The following PCDHA6 variants were observed in gnomAD, a reference collection of about 807,000 sequenced individuals.
PCDHA6 encodes protocadherin alpha 6, also known as protocadherin alpha-6.
In PCDHA6, 55 loss-of-function variants were observed where a neutral mutation model predicts 60.3. The observed-to-expected ratio is 0.91, with a 90% confidence interval of 0.73 to 1.14. The LOEUF (loss-of-function observed/expected upper bound fraction) is 1.14, where lower values mean the gene tolerates loss of function less well. Ranked by LOEUF, PCDHA6 falls within the 50% of genes most tolerant of loss-of-function variation. PCDHA6 has a pLI of 0.00. For missense variants in PCDHA6, 1,327 were observed against 1,256.5 expected, an observed-to-expected ratio of 1.06 and a Z score of -0.85; for synonymous variants, 652 against 557.9, an observed-to-expected ratio of 1.17 and a Z score of -2.38.
chr5:140,835,535 G>A, intron 1 of PCDHA6: 3 of 1,613,958 alleles, frequency 1.9e-6, no homozygotes, highest in Non-Finnish European at 2.5e-6. Flanking sequence ...TCAACGGACA[G>A]GTTACCTGCT....
Position 140,856,078 on chromosome 5 carries a change from C to T in PCDHA6, c.2394+25593C>T, listed in dbSNP as rs145849392. On this transcript the variant is annotated intron_variant, in intron 1 of 3. Transcript: ENST00000529310. The stretch of plus-strand genomic sequence containing the variant: ...TTTCCAGATGTAGCTGCCTGGGGGT[C>T]CAGTGTCTGCTGCTCTCGCTTCTTC... 1.4e-3 allele frequency: 2,214 copies of T among 1,594,016 alleles called. 201 individuals are homozygous for T. The highest frequency in any genetic ancestry group is 4.0e-3 in the Admixed American group (234 of 58,882).
At chr5:140,852,705 T>C in intron 1 of PCDHA6, 1 of 979,478 alleles carries the variant, frequency 1.0e-6, no homozygotes, top group Non-Finnish European at 1.2e-6. Context: ...TTCAAGTATC[T>C]TTGTCTTTGC....
intron 1 of PCDHA6, among the ~76,000 whole-genome samples, chr5:140,878,476 A>T (rs1037108551): frequency 3.2e-4 from 49 of 152,322 alleles, no homozygotes; most frequent in African/African-American, 1.1e-3. Flanking sequence ...TCATTTCTCA[A>T]TTTAAAAATA....
In PCDHA6 at chr5:140,829,972, C is replaced by G. The variant is rs2150178904; in HGVS notation, c.1881C>G (p.Tyr627Ter). 5 of 1,614,006 alleles carry G rather than the reference C, an allele frequency of 3.1e-6. No homozygotes were observed. The highest frequency in any genetic ancestry group is 4.2e-6 in the Non-Finnish European group (5 of 1,179,924). The change falls in exon 1 of 4, where the codon TAC becomes TAG. Residue 627 changes from tyrosine (Y) to a stop codon, truncating the protein, a stop_gained. Transcript: ENST00000529310. LOFTEE classifies it high-confidence loss of function. ...GCTTCCCGTTTCGCGTGGGGCTGTA[C>G]ACGGGCGAGATCAGCACCACTCGTG... ...SARFPFRVGLYTGEISTTRVL... is the reference protein window; with the variant it reads ...SARFPFRVGL
chr5:140,966,926 C>T (rs782811757), intron 1 of PCDHA6: 22 of 1,603,344 alleles, frequency 1.4e-5, no homozygotes, highest in Middle Eastern at 1.6e-4. Context: ...GGAGCAGGCA[C>T]CCGGCGCGCT....
chr5:140,882,129 T>G lies in PCDHA6; in HGVS notation c.2394+51644T>G. 10 of 1,473,110 alleles carry G rather than the reference T, an allele frequency of 6.8e-6. No homozygotes were observed. The South Asian group carries it at 9.9e-5, about 15-fold the overall frequency. The allele number at this position is 1,473,110 out of a possible 1,614,324, so 91.3% of individuals were successfully genotyped here. On this transcript the variant is annotated intron_variant, in intron 1 of 3. Transcript: ENST00000529310. ...AAGAAAGCCGCCGTTTCTTTCTTCC[T>G]GCAGAAAATATAGCAGAAAGCGGAA...
chr5:140,991,227 A>G (rs1172819040), intron 3 of PCDHA6, among the ~76,000 whole-genome samples: 2 of 152,224 alleles, frequency 1.3e-5, no homozygotes, highest in African/African-American at 4.8e-5. Flanking sequence ...TCATTAATAA[A>G]TGCAGTGGTA....
chr5:140,987,730 C>CAA (rs2097266231), intron 3 of PCDHA6, among the ~76,000 whole-genome samples: 1 of 152,066 alleles, frequency 6.6e-6, no homozygotes, highest in African/African-American at 2.4e-5. Flanking sequence ...CCTACAGCTT[C>CAA]AAAATTTAGA....
In PCDHA6 at chr5:140,877,117, G is replaced by A. The variant is rs781979355; in HGVS notation, c.2394+46632G>A. The A allele has an allele frequency of 9.3e-6, 15 of 1,613,720 alleles. No homozygotes were observed. The East Asian group carries it at 1.8e-4, about 19-fold the overall frequency. ...CGGCGTGCCGCCTCTGGGCAGCAAC[G>A]TGACGCTGCAGGTGTTCGTGCTGGA... On this transcript the variant is annotated intron_variant, in intron 1 of 3. Coordinates refer to ENST00000529310, the MANE Select transcript of PCDHA6 (RefSeq NM_018909.4).
Position 140,967,485 on chromosome 5 carries a change from C to T in PCDHA6, c.2395-11464C>T, listed in dbSNP as rs781948599. 7 of 1,613,056 alleles carry T rather than the reference C, an allele frequency of 4.3e-6. No individual in the cohort carries two copies. The South Asian group carries it at 5.5e-5, about 13-fold the overall frequency. On this transcript the variant is annotated intron_variant, in intron 1 of 3. Coordinates refer to ENST00000529310, the MANE Select transcript of PCDHA6 (RefSeq NM_018909.4). ...GGGGGCATCCCAGCCCGCTCGGGTA[C>T]GGCACAGATCTCTGTGCGTGTCCTG...
chr5:140,932,261 T>C (rs1554208805), intron 1 of PCDHA6, among the ~76,000 whole-genome samples: 1 of 151,922 alleles, frequency 6.6e-6, no homozygotes, highest in East Asian at 1.9e-4. Context: ...CTCTGAGATA[T>C]AAATTTCTAC....
intron 1 of PCDHA6, among the ~76,000 whole-genome samples, chr5:140,911,178 G>A (rs1227283843): frequency 1.3e-5 from 2 of 152,196 alleles, no homozygotes; most frequent in Non-Finnish European, 2.9e-5. Flanking sequence ...TGATGGCAGT[G>A]TGGGTTGGGG....
At chr5:140,974,731 C>T (rs2096638633) in intron 1 of PCDHA6, among the ~76,000 whole-genome samples, 1 of 152,140 alleles carries the variant, frequency 6.6e-6, no homozygotes, top group Non-Finnish European at 1.5e-5. Context: ...GAACTCCTGT[C>T]TCCACCTTGG....
intron 1 of PCDHA6, chr5:140,865,929 A>G (rs2049057617): frequency 6.6e-6 from 1 of 152,198 alleles, no homozygotes; most frequent in South Asian, 2.1e-4. Flanking sequence ...TGCTTAGAAG[A>G]AACTTCATGA....
At chr5:141,000,419 ATATTTTTT>A (rs1194100555) in intron 3 of PCDHA6, among the ~76,000 whole-genome samples, 4 of 60,996 alleles carry the variant, frequency 6.6e-5, no homozygotes, top group African/African-American at 2.3e-4. Flanking sequence ...ATATATATAT[ATATTTTTT>A]TTTTTTTTTT....
chr5:140,861,433 C>T (rs1177274871), intron 1 of PCDHA6: 1 of 489,666 alleles, frequency 2.0e-6, no homozygotes, highest in Non-Finnish European at 4.2e-6. Context: ...CAGTTGGATT[C>T]CAAAAGCCGC....
Position 140,828,379 on chromosome 5 carries a change from C to T in PCDHA6, c.288C>T (p.Cys96=), listed in dbSNP as rs2150154694. The T allele has an allele frequency of 1.9e-6, 3 of 1,614,236 alleles. No individual in the cohort carries two copies. In the South Asian group the frequency reaches 3.3e-5, roughly 18 times the overall value. The change falls in exon 1 of 4, where the codon TGC becomes TGT. Residue 96 remains cysteine (C), a synonymous_variant. Transcript: ENST00000529310. ...CTCGGATCGACCGCGAGGAGCTGTG[C>T]GGGCGGAGCGCGGAGTGCAGCATCC... ...VNSRIDREEL[C]GRSAECSIHL... is the part of the protein sequence containing the mutation.
At position 140,850,416 on chromosome 5, in the gene PCDHA6, G is replaced by A. The variant is rs2150483366; in HGVS notation, c.2394+19931G>A. 14 of 1,598,000 alleles carry A rather than the reference G, an allele frequency of 8.8e-6. 2 individuals are homozygous for A. In the Admixed American group the frequency reaches 2.0e-4, roughly 23 times the overall value. Reference sequence around the variant, plus strand: ...CACAACGCGTGCCCTGGACGAAACGGACGCACCGCGCCAGCGCCTACTGGT... The same window carrying A: ...CACAACGCGTGCCCTGGACGAAACGAACGCACCGCGCCAGCGCCTACTGGT... On this transcript the variant is annotated intron_variant, in intron 1 of 3. Transcript: ENST00000529310.
At chr5:140,858,318 G>T in intron 1 of PCDHA6, 1 of 1,597,070 alleles carries the variant, frequency 6.3e-7, no homozygotes, top group Non-Finnish European at 8.6e-7. Context: ...CAGAGGGTGT[G>T]TTCTGGGGAG....
Sources: allele counts gnomAD v4.1 joint callset (sites outside exome capture counted in the v4.1 genomes callset), GRCh38; gene constraint gnomAD v4.1.1; transcripts MANE v1.5; gene names NCBI Gene and HGNC (gene_info 2026-07-23, HGNC 2026-07-21).